Variants in KCNMA1 observed in about 807,000 individuals in gnomAD.
KCNMA1 encodes the protein Calcium-activated potassium channel subunit alpha-1.
A neutral mutation model predicts 140.0 loss-of-function variants in KCNMA1; 29 were observed. The observed-to-expected ratio is 0.21, with a 90% CI of 0.15 to 0.28. The LOEUF (loss-of-function observed/expected upper bound fraction) is 0.28. Among genes scored for constraint, KCNMA1 ranks in the 10% least tolerant of loss-of-function variants. The pLI is 1.00. For missense variants in KCNMA1, 880 were observed against 1,602.2 expected, an observed-to-expected ratio of 0.55 and a Z score of 7.70; for synonymous variants, 612 against 611.9, an observed-to-expected ratio of 1.00 and a Z score of 0.00.
intron 2 of KCNMA1, among the ~76,000 whole-genome samples, chr10:77,394,953 G>A (rs2095987790): frequency 6.6e-6 from 1 of 152,200 alleles, no homozygotes; most frequent in Non-Finnish European, 1.5e-5. Context: ...AAATGAGTGA[G>A]CATGGCTGTA....
chr10:77,627,471 G>C (rs557688113), intron 1 of KCNMA1, among the ~76,000 whole-genome samples: 1 of 152,222 alleles, frequency 6.6e-6, no homozygotes, highest in African/African-American at 2.4e-5. Flanking sequence ...AACCAGAATG[G>C]GTCGTTTTCT....
chr10:77,288,056 G>C (rs1439242218), intron 2 of KCNMA1, among the ~76,000 whole-genome samples: 1 of 152,196 alleles, frequency 6.6e-6, no homozygotes, highest in Non-Finnish European at 1.5e-5. Context: ...ATGCATTCCA[G>C]TTAACTATGG....
At chr10:77,292,119 G>GC (rs1399191835) in intron 2 of KCNMA1, among the ~76,000 whole-genome samples, 58 of 152,172 alleles carry the variant, frequency 3.8e-4, no homozygotes, top group African/African-American at 1.3e-3. Flanking sequence ...CATGAAAGAG[G>GC]GTTATTTCCA....
chr10:77,402,662 G>C (rs1293281820), intron 2 of KCNMA1, among the ~76,000 whole-genome samples: 1 of 152,126 alleles, frequency 6.6e-6, no homozygotes, highest in Non-Finnish European at 1.5e-5. Flanking sequence ...TCCCCAAGAA[G>C]GATTCTGAGA....
Position 76,887,359 on chromosome 10 carries a change from A to T in KCNMA1, c.3618T>A (p.Val1206=). 1 of 1,614,090 alleles carries T rather than the reference A, an allele frequency of 6.2e-7. No individual in the cohort carries two copies. The highest frequency in any genetic ancestry group is 8.5e-7 in the Non-Finnish European group (1 of 1,180,010). ...GGTTTGCTGTGGATGGGATGGAGTG[A>T]ACAGAGGAGCTCTTCTTGCTGGAGG... ...SQSSSKKSSS[V]HSIPSTANRQ... is the part of the protein sequence containing the mutation. Residue 1206 remains valine (V), a synonymous_variant, in exon 28 of 28, where the codon GTT becomes GTA. Transcript: ENST00000286628.
At chr10:76,994,669 A>G (rs2083689404) in intron 19 of KCNMA1, among the ~76,000 whole-genome samples, 1 of 152,206 alleles carries the variant, frequency 6.6e-6, no homozygotes, top group South Asian at 2.1e-4. Context: ...AATGAGCATG[A>G]CCTGCTTATG....
intron 1 of KCNMA1, among the ~76,000 whole-genome samples, chr10:77,407,104 A>G (rs567695482): frequency 1.1e-4 from 16 of 152,364 alleles, no homozygotes; most frequent in African/African-American, 3.8e-4. Context: ...AAGGAAAAAC[A>G]CAGACTAAAG....
chr10:77,372,110 G>T (rs1164051424), intron 2 of KCNMA1, among the ~76,000 whole-genome samples: 2 of 152,188 alleles, frequency 1.3e-5, no homozygotes, highest in Non-Finnish European at 2.9e-5. Flanking sequence ...TCTGAACAAA[G>T]ATTAATTGTT....
chr10:77,273,664 G>A (rs1368817715), intron 2 of KCNMA1, among the ~76,000 whole-genome samples: 2 of 152,204 alleles, frequency 1.3e-5, no homozygotes, highest in African/African-American at 4.8e-5. Flanking sequence ...GCAGAGGAGA[G>A]GACAGTCCTT....
intron 23 of KCNMA1, among the ~76,000 whole-genome samples, chr10:76,921,620 G>T (rs1256514474): frequency 6.6e-6 from 1 of 152,164 alleles, no homozygotes; most frequent in African/African-American, 2.4e-5. Context: ...CATCTGAATA[G>T]CTCCCCTGAG....
intron 1 of KCNMA1, among the ~76,000 whole-genome samples, chr10:77,531,508 A>C (rs1319056868): frequency 6.6e-6 from 1 of 152,096 alleles, no homozygotes. Flanking sequence ...AAGCTGTCCC[A>C]GTTCAGAGGC....
intron 13 of KCNMA1, among the ~76,000 whole-genome samples, chr10:77,078,612 G>T (rs988449899): frequency 6.6e-6 from 1 of 152,114 alleles, no homozygotes; most frequent in African/African-American, 2.4e-5. Context: ...CTTACAGAGC[G>T]CATTATGCAC....
At chr10:77,433,969 A>G (rs2097203774) in intron 1 of KCNMA1, among the ~76,000 whole-genome samples, 1 of 152,220 alleles carries the variant, frequency 6.6e-6, no homozygotes, top group African/African-American at 2.4e-5. Context: ...CCATCAAGCC[A>G]CAGCCAAATA....
intron 19 of KCNMA1, among the ~76,000 whole-genome samples, chr10:76,987,076 T>C (rs1177036741): frequency 6.6e-6 from 1 of 152,008 alleles, no homozygotes; most frequent in Admixed American, 6.6e-5. Context: ...TTTTTTTTTT[T>C]TGCCTCTGGT....
intron 2 of KCNMA1, among the ~76,000 whole-genome samples, chr10:77,361,672 T>A (rs1404629037): frequency 6.6e-6 from 1 of 152,228 alleles, no homozygotes; most frequent in Admixed American, 6.5e-5. Flanking sequence ...CAAGAGGGGA[T>A]CCATAGGTCT....
In KCNMA1 at chr10:77,053,388, T is replaced by G. The variant is rs557818736; in HGVS notation, c.1750-13751A>C. 2.0e-5 allele frequency among the ~76,000 whole-genome samples: 3 copies of G among 152,330 alleles called. No homozygotes were observed. In the South Asian group the frequency reaches 6.2e-4, roughly 32 times the overall value. ...AGAGGACTGGGAAAAACCAGACAGA[T>G]GCACCTAGTTCTCACCTATCCATGC... On this transcript the variant is annotated intron_variant, in intron 14 of 27. Coordinates refer to ENST00000286628, the MANE Select transcript of KCNMA1 (RefSeq NM_001161352.2).
chr10:76,895,239 C>T (rs2041998709), intron 25 of KCNMA1, among the ~76,000 whole-genome samples: 1 of 152,176 alleles, frequency 6.6e-6, no homozygotes, highest in South Asian at 2.1e-4. Flanking sequence ...GAATTGCTCA[C>T]TTGGGATACT....
At chr10:77,350,361 A>T (rs2092723672) in intron 2 of KCNMA1, 1 of 152,258 alleles carries the variant, frequency 6.6e-6, no homozygotes. Context: ...TGAGTGGCTG[A>T]GTGAGCAGGA....
intron 14 of KCNMA1, among the ~76,000 whole-genome samples, chr10:77,061,133 G>T (rs61868832): frequency 0.059 from 9,020 of 152,174 alleles, 376 homozygotes; most frequent in Non-Finnish European, 0.09. Flanking sequence ...TGGTATTTCT[G>T]AGTCATATGG....
Sources: allele counts gnomAD v4.1 joint callset (sites outside exome capture counted in the v4.1 genomes callset), GRCh38; gene constraint gnomAD v4.1.1; transcripts MANE v1.5; gene names NCBI Gene and HGNC (gene_info 2026-07-23, HGNC 2026-07-21).